The following SEMA6D variants were observed in gnomAD, a reference collection of about 807,000 sequenced individuals.
SEMA6D encodes semaphorin 6D, also known as semaphorin-6D.
In SEMA6D, 35 loss-of-function variants were observed where a neutral mutation model predicts 106.6. The ratio of observed to expected loss-of-function variants is 0.33; its 90% CI spans 0.25 to 0.44. SEMA6D has a LOEUF of 0.44. Ranked by LOEUF, SEMA6D falls within the 20% of genes least tolerant of loss-of-function variation. SEMA6D has a pLI of 1.00. For synonymous variants in SEMA6D, 499 were observed against 487.7 expected (o/e 1.02, Z -0.31); for missense variants, 1,185 against 1,345.9 (o/e 0.88, Z 1.87).
chr15:47,558,162 AC>A (rs1312993131), intron 3 of SEMA6D, among the ~76,000 whole-genome samples: 3 of 152,138 alleles, frequency 2.0e-5, no homozygotes, highest in Non-Finnish European at 4.4e-5. Context: ...CTTTTACAGC[AC>A]TAACCTCCTC....
chr15:47,249,935 A>G (rs2141908090), intron 1 of SEMA6D, among the ~76,000 whole-genome samples: 1 of 152,282 alleles, frequency 6.6e-6, no homozygotes, highest in East Asian at 1.9e-4. Flanking sequence ...CTCGGCAGGC[A>G]CCTAGTAAGG....
chr15:47,695,781 A>T (rs751964888), intron 4 of SEMA6D, among the ~76,000 whole-genome samples: 1 of 152,214 alleles, frequency 6.6e-6, no homozygotes, highest in Non-Finnish European at 1.5e-5. Flanking sequence ...ATGTGACAGC[A>T]AGTTGATTTA....
Position 47,661,501 on chromosome 15 carries a change from A to C in SEMA6D, c.-55+60605A>C, listed in dbSNP as rs79963733. On this transcript the variant is annotated intron_variant, in intron 4 of 19. Transcript: ENST00000558014. ...TGAGGGGTGAAGCTATGGAAACTGC[A>C]TGAAGAGCTGGCTTCTCCCATTCTC... 7.4e-3 allele frequency among the ~76,000 whole-genome samples: 1,131 copies of C among 152,346 alleles called. 6 individuals are homozygous for C. Among genetic ancestry groups the C allele is most frequent in the Non-Finnish European group, 0.012 (839 of 68,020 alleles).
intron 3 of SEMA6D, among the ~76,000 whole-genome samples, chr15:47,594,656 A>G (rs903764101): frequency 6.6e-6 from 1 of 152,176 alleles, no homozygotes; most frequent in South Asian, 2.1e-4. Context: ...CCTGCTTCCA[A>G]TAAGCTCCCA....
At chr15:47,430,348 ACT>A (rs2041481996) in intron 2 of SEMA6D, among the ~76,000 whole-genome samples, 1 of 151,124 alleles carries the variant, frequency 6.6e-6, no homozygotes, top group African/African-American at 2.4e-5. Context: ...GTTGCTGCAA[ACT>A]CTGTCCCTTT....
chr15:47,505,697 A>G (rs1334559470), intron 3 of SEMA6D, among the ~76,000 whole-genome samples: 1 of 152,244 alleles, frequency 6.6e-6, no homozygotes, highest in Non-Finnish European at 1.5e-5. Flanking sequence ...CCACATGTGT[A>G]CATTTATACA....
At chr15:47,285,076 A>G (rs1487192059) in intron 1 of SEMA6D, among the ~76,000 whole-genome samples, 1 of 152,198 alleles carries the variant, frequency 6.6e-6, no homozygotes, top group East Asian at 1.9e-4. Context: ...GACTGCAGCC[A>G]TGTGTATTAA....
chr15:47,708,345 CCT>C (rs2146024928), intron 4 of SEMA6D, among the ~76,000 whole-genome samples: 1 of 152,298 alleles, frequency 6.6e-6, no homozygotes, highest in East Asian at 1.9e-4. Flanking sequence ...ATCACCCTCC[CCT>C]GATTCTGCTG....
At chr15:47,603,308 C>T (rs999130) in intron 4 of SEMA6D, 31,030 of 151,980 alleles carry the variant, frequency 0.2, 3,958 homozygotes, top group African/African-American at 0.34. Flanking sequence ...CCATTTCTTC[C>T]TATGTGTTTT....
chr15:47,704,688 C>T lies in SEMA6D; in HGVS notation c.-54-55057C>T, dbSNP rs1344044549. The stretch of plus-strand genomic sequence containing the variant: ...GAGCCATGATCATGCCACTGCACTC[C>T]AGCCTGGGCAACAGAGCCAGACCCT... On this transcript the variant is annotated intron_variant, in intron 4 of 19. Transcript: ENST00000558014. 3.3e-5 allele frequency among the ~76,000 whole-genome samples: 5 copies of T among 152,004 alleles called. 1 individual carries two copies. Among genetic ancestry groups the T allele is most frequent in the South Asian group, 4.2e-4 (2 of 4,808 alleles).
chr15:47,460,462 C>T (rs559977769), intron 2 of SEMA6D, among the ~76,000 whole-genome samples: 6 of 152,004 alleles, frequency 3.9e-5, no homozygotes, highest in South Asian at 4.2e-4. Context: ...GATGAGTACC[C>T]GACTCTCAAT....
At chr15:47,363,714 A>G (rs2038901902) in intron 1 of SEMA6D, among the ~76,000 whole-genome samples, 1 of 152,180 alleles carries the variant, frequency 6.6e-6, no homozygotes, top group Non-Finnish European at 1.5e-5. Flanking sequence ...GGTCATGGCC[A>G]CCACAGGAAG....
At chr15:47,184,761 A>G (rs1383746444) in intron 1 of SEMA6D, among the ~76,000 whole-genome samples, 1 of 152,144 alleles carries the variant, frequency 6.6e-6, no homozygotes, top group African/African-American at 2.4e-5. Flanking sequence ...CCCCCACCCC[A>G]AATCCTCCGG....
chr15:47,401,326 C>T (rs979445178), intron 1 of SEMA6D, among the ~76,000 whole-genome samples: 1 of 152,134 alleles, frequency 6.6e-6, no homozygotes, highest in African/African-American at 2.4e-5. Context: ...GTGCCATGCA[C>T]TATGACAAGC....
At chr15:47,254,311 GTATATA>G (rs1230202220) in intron 1 of SEMA6D, among the ~76,000 whole-genome samples, 2 of 103,580 alleles carry the variant, frequency 1.9e-5, no homozygotes, top group Non-Finnish European at 4.1e-5. Flanking sequence ...GTATATATAT[GTATATA>G]TATGTGTGTG....
intron 3 of SEMA6D, among the ~76,000 whole-genome samples, chr15:47,553,852 A>G (rs1462601113): frequency 6.6e-6 from 1 of 152,222 alleles, no homozygotes; most frequent in East Asian, 1.9e-4. Flanking sequence ...ATGTTTTTAG[A>G]GAAATATAGG....
rs182716855 is a variant in SEMA6D, at chr15:47,654,509, C to T, written c.-55+53613C>T. ...CATTCAGTAAGTGGAAGTGGATCAT[C>T]ATTGATATAGTTTGGATATTTGTCC... On this transcript the variant is annotated intron_variant, in intron 4 of 19. Transcript: ENST00000558014. Among the ~76,000 whole-genome samples, 81 of 152,264 alleles carry T rather than the reference C, an allele frequency of 5.3e-4. No individual in the cohort carries two copies. In the Middle Eastern group the frequency reaches 0.02, roughly 38 times the overall value.
At chr15:47,750,781 T>G (rs185552941) in intron 1 of SEMA6D, among the ~76,000 whole-genome samples, 1 of 152,334 alleles carries the variant, frequency 6.6e-6, no homozygotes, top group African/African-American at 2.4e-5. Flanking sequence ...GGTCTCAGAG[T>G]TGGGGCCTTT....
intron 1 of SEMA6D, among the ~76,000 whole-genome samples, chr15:47,310,868 C>T (rs561019071): frequency 2.0e-5 from 3 of 152,186 alleles, no homozygotes; most frequent in East Asian, 1.9e-4. Flanking sequence ...TTCGTTGTGC[C>T]GTTTCTTAAC....
Sources: allele counts gnomAD v4.1 joint callset (sites outside exome capture counted in the v4.1 genomes callset), GRCh38; gene constraint gnomAD v4.1.1; transcripts MANE v1.5; gene names NCBI Gene and HGNC (gene_info 2026-07-23, HGNC 2026-07-21).